The following ATP13A4 variants were observed in gnomAD, a reference collection of about 807,000 sequenced individuals.
The protein encoded by ATP13A4 is probable cation-transporting ATPase 13A4.
Under a neutral mutation model 142.5 loss-of-function variants are expected in ATP13A4, and 114 were observed. The observed-to-expected ratio is 0.80, with a 90% confidence interval of 0.69 to 0.93. The LOEUF is 0.93. Among genes scored for constraint, ATP13A4 ranks in the 40% least tolerant of loss-of-function variants. The pLI, the probability that ATP13A4 is intolerant of heterozygous loss-of-function variation, is 0.00. For synonymous variants in ATP13A4, 488 were observed against 514.8 expected (o/e 0.95, Z 0.70); for missense variants, 1,392 against 1,454.0 (o/e 0.96, Z 0.69).
chr3:193,430,911 A>G (rs559981311), intron 25 of ATP13A4, among the ~76,000 whole-genome samples: 2 of 152,250 alleles, frequency 1.3e-5, no homozygotes, highest in South Asian at 4.1e-4. Flanking sequence ...AGGAGAGGGC[A>G]GCAACAGTGG....
chr3:193,413,125 T>C (rs1714857904), intron 26 of ATP13A4, among the ~76,000 whole-genome samples: 1 of 152,242 alleles, frequency 6.6e-6, no homozygotes, highest in African/African-American at 2.4e-5. Flanking sequence ...GATTTCATTT[T>C]AATATGGACA....
intron 1 of ATP13A4, among the ~76,000 whole-genome samples, chr3:193,528,669 T>C (rs1577054164): frequency 6.6e-6 from 1 of 152,312 alleles, no homozygotes; most frequent in South Asian, 2.1e-4. Flanking sequence ...CAATGTTATC[T>C]CAGGGGGATT....
chr3:193,554,890 C>T lies in ATP13A4; in HGVS notation c.-91G>A. 2 of 1,612,050 alleles carry T rather than the reference C, an allele frequency of 1.2e-6. No individual in the cohort carries two copies. Among genetic ancestry groups the T allele is most frequent in the Non-Finnish European group, 1.7e-6 (2 of 1,179,712 alleles). On this transcript the variant is annotated 5_prime_UTR_variant, in exon 1 of 30. Coordinates refer to ENST00000342695, the MANE Select transcript of ATP13A4 (RefSeq NM_032279.4). ...TCGCCGAGCCACCGCAGCTCCTCAG[C>T]TGACTAAAAGAGTTAATGATCCTCC...
At chr3:193,410,201 A>G (rs1714695417) in intron 28 of ATP13A4, among the ~76,000 whole-genome samples, 1 of 152,188 alleles carries the variant, frequency 6.6e-6, no homozygotes, top group Non-Finnish European at 1.5e-5. Context: ...GAGGAAAAAT[A>G]TGGCTCTTGG....
At chr3:193,456,874 G>T in intron 16 of ATP13A4, 126 bp downstream of exon 16, 1 of 1,162,042 alleles carries the variant, frequency 8.6e-7, no homozygotes, top group Non-Finnish European at 1.2e-6. Flanking sequence ...ATTGAATTTG[G>T]AATGCCAGTG....
chr3:193,544,486 T>C (rs899133265), intron 1 of ATP13A4, among the ~76,000 whole-genome samples: 1 of 152,142 alleles, frequency 6.6e-6, no homozygotes, highest in Admixed American at 6.5e-5. Context: ...GATAACCCTG[T>C]CTACCTCTAC....
chr3:193,574,163 A>C (rs1337941030), intron 2 of ATP13A4, among the ~76,000 whole-genome samples: 7 of 152,224 alleles, frequency 4.6e-5, no homozygotes, highest in Non-Finnish European at 8.8e-5. Context: ...TTTCAGAAAC[A>C]AGTTTTATAT....
At chr3:193,541,184 G>A (rs1722890166) in intron 1 of ATP13A4, among the ~76,000 whole-genome samples, 1 of 147,064 alleles carries the variant, frequency 6.8e-6, no homozygotes, top group African/African-American at 2.5e-5. Context: ...GGGAGGCGGA[G>A]CTTGCAGTGA....
At position 193,467,374 on chromosome 3, in the gene ATP13A4, C is replaced by T. The variant is rs774979492; in HGVS notation, c.1056G>A (p.Glu352=). ...AGCAAGCTGCCTTGGCCTGGATAAC[C>T]TCTGTTCCACAGAAGAGGACATGCC... ...YKRHVLFCGT[E]VIQAKAACSG... Residue 352 remains glutamate (E), a synonymous_variant, in exon 10 of 30, where the codon GAG becomes GAA. Coordinates refer to ENST00000342695, the MANE Select transcript of ATP13A4 (RefSeq NM_032279.4). The T allele has an allele frequency of 2.5e-6, 4 of 1,614,156 alleles. No homozygotes were observed. The South Asian group carries it at 4.4e-5, about 18-fold the overall frequency.
At chr3:193,465,264 T>A in intron 11 of ATP13A4, 136 bp from the exon 12 acceptor site, 1 of 887,268 alleles carries the variant, frequency 1.1e-6, no homozygotes, top group Non-Finnish European at 1.7e-6. Flanking sequence ...CTCAGCTCAT[T>A]GCAACCTCCA....
chr3:193,562,019 T>C (rs1489208086), intron 2 of ATP13A4, among the ~76,000 whole-genome samples: 5 of 152,220 alleles, frequency 3.3e-5, no homozygotes, highest in Admixed American at 2.0e-4. Flanking sequence ...AGCTTTGCTG[T>C]TGGCTAGCTG....
At chr3:193,448,388 T>C in intron 17 of ATP13A4, 58 bp from the exon 18 acceptor site, 1 of 1,598,892 alleles carries the variant, frequency 6.3e-7, no homozygotes, top group South Asian at 1.1e-5. Flanking sequence ...AGCTTTTTTT[T>C]TGAGACGGAG....
intron 2 of ATP13A4, among the ~76,000 whole-genome samples, chr3:193,572,197 G>T (rs766460162): frequency 6.6e-6 from 1 of 152,098 alleles, no homozygotes; most frequent in Non-Finnish European, 1.5e-5. Flanking sequence ...GCAGTGAGCC[G>T]AGATCATGCC....
At chr3:193,480,408 G>A (rs1192506325) in intron 8 of ATP13A4, among the ~76,000 whole-genome samples, 6 of 151,748 alleles carry the variant, frequency 4.0e-5, no homozygotes, top group Admixed American at 6.6e-5. Context: ...CAGAATCTAC[G>A]AGGAACCCAA....
At position 193,432,037 on chromosome 3, in the gene ATP13A4, T is replaced by A. The variant is rs189814799; in HGVS notation, c.2842+1808A>T. Among the ~76,000 whole-genome samples, 243 of 151,996 alleles carry A rather than the reference T, an allele frequency of 1.6e-3. 1 individual carries two copies. The highest frequency in any genetic ancestry group is 5.6e-3 in the African/African-American group (231 of 41,478). ...AAAGGAGGCAGTAGCTGGTGGTAGA[T>A]TCAGGGTCAAATAAGAATTTTTAAA... On this transcript the variant is annotated intron_variant, in intron 25 of 29. Coordinates refer to ENST00000342695, the MANE Select transcript of ATP13A4 (RefSeq NM_032279.4).
intron 2 of ATP13A4, among the ~76,000 whole-genome samples, chr3:193,507,576 A>C (rs1021027867): frequency 1.3e-5 from 2 of 152,212 alleles, no homozygotes; most frequent in Admixed American, 1.3e-4. Flanking sequence ...AACAAAGCAA[A>C]GGCTATGTTT....
In ATP13A4 at chr3:193,401,453, G is replaced by A. The variant is rs1714259255; in HGVS notation, c.*1199C>T. Among the ~76,000 whole-genome samples the A allele has an allele frequency of 6.6e-6, 1 of 152,180 alleles. No individual in the cohort carries two copies. ...ATCAATAGTGCCATATAATGCTGTA[G>A]CATGAGACTAATGTTTCTCAAAAAT... On this transcript the variant is annotated 3_prime_UTR_variant, in exon 30 of 30. Coordinates refer to ENST00000342695, the MANE Select transcript of ATP13A4 (RefSeq NM_032279.4).
At chr3:193,582,153 T>C (rs1207742293) in intron 1 of ATP13A4, among the ~76,000 whole-genome samples, 4 of 146,634 alleles carry the variant, frequency 2.7e-5, no homozygotes, top group African/African-American at 9.9e-5. Context: ...TCTTTTCTTT[T>C]TTTTTTTTTT....
At chr3:193,466,858 T>A (rs975346538) in intron 10 of ATP13A4, among the ~76,000 whole-genome samples, 6 of 152,318 alleles carry the variant, frequency 3.9e-5, no homozygotes, top group Admixed American at 3.3e-4. Context: ...CATAGTTCAA[T>A]TGGTATTTAA....
Sources: gnomAD v4.1 joint callset for allele counts (sites outside exome capture counted in the v4.1 genomes callset) on GRCh38, gnomAD v4.1.1 for gene constraint, MANE v1.5 for transcripts, NCBI Gene and HGNC (gene_info 2026-07-23, HGNC 2026-07-21) for gene names.